The following ADGRV1 variants were observed in gnomAD, a reference collection of about 807,000 sequenced individuals.
ADGRV1 encodes G-protein coupled receptor 98.
ADGRV1 carries 359 observed loss-of-function variants against 596.2 expected under a neutral mutation model. That is an observed-to-expected ratio of 0.60 (90% CI 0.55 to 0.66). ADGRV1 has a LOEUF of 0.66. Ranked by LOEUF, ADGRV1 falls within the 30% of genes least tolerant of loss-of-function variation. ADGRV1 has a pLI of 0.00. For missense variants in ADGRV1, 7,274 were observed against 7,575.6 expected, an observed-to-expected ratio of 0.96 and a Z score of 1.48; for synonymous variants, 2,681 against 2,679.2, an observed-to-expected ratio of 1.00 and a Z score of -0.02.
intron 50 of ADGRV1, 87 bp from the exon 51 acceptor site, chr5:90,744,959 G>T: frequency 2.3e-6 from 2 of 857,680 alleles, no homozygotes; most frequent in South Asian, 1.7e-5. Flanking sequence ...TGAGATTTTG[G>T]AAGATTTTGC....
intron 75 of ADGRV1, among the ~76,000 whole-genome samples, chr5:90,820,796 G>A (rs1010220143): frequency 2.0e-4 from 31 of 152,000 alleles, no homozygotes; most frequent in Non-Finnish European, 3.7e-4. Flanking sequence ...CTGTTAGTCT[G>A]ATGGGCTTCC....
At chr5:91,151,329 T>G (rs1796038682) in intron 88 of ADGRV1, among the ~76,000 whole-genome samples, 1 of 152,222 alleles carries the variant, frequency 6.6e-6, no homozygotes, top group Non-Finnish European at 1.5e-5. Flanking sequence ...TACAGAATTA[T>G]TAACTAGTAA....
intron 20 of ADGRV1, among the ~76,000 whole-genome samples, chr5:90,656,547 A>G (rs1206017489): frequency 6.6e-6 from 1 of 152,180 alleles, no homozygotes; most frequent in East Asian, 1.9e-4. Context: ...GAGAGACAAC[A>G]TAGGATTTCC....
At position 90,652,347 on chromosome 5, in the gene ADGRV1, A is replaced by T. The variant is rs377401348; in HGVS notation, c.3418A>T (p.Ile1140Phe). ...AATTTTCTTTAATTTATTTTGTAGG[A>T]TTTTGAGGCACCGAGGATACTTTGG... ...VEEGKTNAFW[I>F]LRHRGYFGSV... Residue 1140 changes from isoleucine to phenylalanine, a missense_variant and splice_region_variant, in exon 19 of 90, where the codon ATT (isoleucine) becomes TTT (phenylalanine). Ile to Phe is a conservative substitution (Grantham distance 21, BLOSUM62 0). This residue lies in a region of ADGRV1 where 1,715 missense variants were observed against 1,708.8 expected (regional missense o/e 1.00). Transcript: ENST00000405460. The T allele has an allele frequency of 6.3e-7, 1 of 1,575,432 alleles. No homozygotes were observed. The highest frequency in any genetic ancestry group is 2.3e-5 in the East Asian group (1 of 44,414).
At chr5:90,762,786 C>T (rs1756649439) in intron 58 of ADGRV1, 1 of 152,426 alleles carries the variant, frequency 6.6e-6, no homozygotes, top group African/African-American at 2.4e-5. Context: ...AAAGATCCCG[C>T]CAAGTCTCAG....
At chr5:90,784,601 C>T (rs890752055) in intron 67 of ADGRV1, among the ~76,000 whole-genome samples, 9 of 152,232 alleles carry the variant, frequency 5.9e-5, no homozygotes, top group South Asian at 2.1e-4. Context: ...ACAATAGCTT[C>T]TGCAGAGGCA....
In ADGRV1 at chr5:90,595,998, C is replaced by T. The variant is rs549405173; in HGVS notation, c.23-18837C>T. ...GAGGCTCCTCACTTTTCAGACGGGG[C>T]GGCTGCCGGGCGGAGAGGCTCCTCA... On this transcript the variant is annotated intron_variant, in intron 1 of 89. Coordinates refer to ENST00000405460, the MANE Select transcript of ADGRV1 (RefSeq NM_032119.4). 5.0e-3 allele frequency among the ~76,000 whole-genome samples: 725 copies of T among 144,092 alleles called. 1 individual carries two copies. The highest frequency in any genetic ancestry group is 8.5e-3 in the Non-Finnish European group (560 of 66,086). The allele number at this position is 144,092 out of a possible 152,430, so 94.5% of individuals were successfully genotyped here.
At chr5:90,658,831 T>C (rs1168758956) in intron 21 of ADGRV1, among the ~76,000 whole-genome samples, 1 of 152,172 alleles carries the variant, frequency 6.6e-6, no homozygotes, top group Non-Finnish European at 1.5e-5. Flanking sequence ...TTTTCAAAGA[T>C]TCGTAATCAT....
At chr5:90,929,483 C>G (rs898396488) in intron 83 of ADGRV1, 4 of 152,346 alleles carry the variant, frequency 2.6e-5, no homozygotes, top group Non-Finnish European at 1.5e-5. Flanking sequence ...CCTCGCCCTG[C>G]TTCGGCTCGC....
chr5:90,902,716 T>C (rs1484102244), intron 83 of ADGRV1, among the ~76,000 whole-genome samples: 1 of 152,188 alleles, frequency 6.6e-6, no homozygotes, highest in Admixed American at 6.5e-5. Context: ...AATCACATTT[T>C]CTCCAGTAAT....
intron 83 of ADGRV1, among the ~76,000 whole-genome samples, chr5:90,943,721 T>C (rs1776349517): frequency 6.6e-6 from 1 of 152,142 alleles, no homozygotes; most frequent in South Asian, 2.1e-4. Context: ...CAGCAATCCT[T>C]AGTGTGCCTT....
At chr5:90,639,582 A>G (rs1022625844) in intron 11 of ADGRV1, among the ~76,000 whole-genome samples, 2 of 152,192 alleles carry the variant, frequency 1.3e-5, no homozygotes, top group South Asian at 2.1e-4. Context: ...ATAAGGAAGT[A>G]CAAATCATGA....
At chr5:90,948,561 A>G (rs1347893115) in intron 83 of ADGRV1, among the ~76,000 whole-genome samples, 1 of 152,076 alleles carries the variant, frequency 6.6e-6, no homozygotes, top group South Asian at 2.1e-4. Context: ...TACCCAAGAG[A>G]AATGTCCCAT....
Position 90,815,683 on chromosome 5 carries a change from G to A in ADGRV1, c.16143G>A (p.Arg5381=), listed in dbSNP as rs777670983. 6.3e-7 allele frequency: 1 copy of A among 1,578,562 alleles called. No homozygotes were observed. The highest frequency in any genetic ancestry group is 8.6e-7 in the Non-Finnish European group (1 of 1,161,138). ...SEESQSGLEL[R]EGAVMRRLHL... is the part of the protein sequence containing the mutation. Reference sequence around the variant, plus strand: ...AGTCCCAGAGTGGACTAGAACTCAGGGAAGGAGCTGTTATGAGAAGATTGC... The same window carrying A: ...AGTCCCAGAGTGGACTAGAACTCAGAGAAGGAGCTGTTATGAGAAGATTGC... The change falls in exon 75 of 90, where the codon AGG becomes AGA. Residue 5381 remains arginine, a synonymous_variant. Transcript: ENST00000405460.
intron 1 of ADGRV1, among the ~76,000 whole-genome samples, chr5:90,559,661 G>A (rs918755025): frequency 2.0e-5 from 3 of 152,048 alleles, no homozygotes; most frequent in African/African-American, 7.2e-5. Context: ...TTTAAAATGT[G>A]TGTAATGTAT....
chr5:91,119,962 G>T (rs1793165382), intron 87 of ADGRV1, among the ~76,000 whole-genome samples: 1 of 152,172 alleles, frequency 6.6e-6, no homozygotes, highest in Non-Finnish European at 1.5e-5. Flanking sequence ...ACTAGTGAGT[G>T]CCTATCCAGC....
At chr5:90,648,685 C>G (rs1435732925) in intron 17 of ADGRV1, among the ~76,000 whole-genome samples, 1 of 152,192 alleles carries the variant, frequency 6.6e-6, no homozygotes, top group Non-Finnish European at 1.5e-5. Flanking sequence ...ATTGCTGTCT[C>G]TGTTTCTATT....
At chr5:91,161,925 A>G (rs539897355) in intron 89 of ADGRV1, among the ~76,000 whole-genome samples, 1 of 152,370 alleles carries the variant, frequency 6.6e-6, no homozygotes, top group African/African-American at 2.4e-5. Flanking sequence ...CATTCAGGGC[A>G]TCAGGAGACC....
At chr5:91,014,183 C>G (rs1782988280) in intron 85 of ADGRV1, among the ~76,000 whole-genome samples, 2 of 151,390 alleles carry the variant, frequency 1.3e-5, no homozygotes, top group African/African-American at 2.4e-5. Context: ...CACCCCTAGA[C>G]ATACAGCTAA....
Sources: gnomAD v4.1 joint callset for allele counts (sites outside exome capture counted in the v4.1 genomes callset) on GRCh38, gnomAD v4.1.1 for gene constraint, gnomAD v4.1.1 regional missense constraint, MANE v1.5 for transcripts, NCBI Gene and HGNC (gene_info 2026-07-23, HGNC 2026-07-21) for gene names.